Variants in KRT27 observed in about 807,000 individuals in gnomAD.
KRT27 encodes keratin 27, also known as keratin, type I cytoskeletal 27.
KRT27 carries 30 observed loss-of-function variants against 45.3 expected under a neutral mutation model. The observed-to-expected ratio is 0.66, with a 90% CI of 0.50 to 0.90. The LOEUF (loss-of-function observed/expected upper bound fraction) is 0.90, where lower values mean the gene tolerates loss of function less well. KRT27 is among the 40% of genes least tolerant of loss of function. The pLI is 0.00. For synonymous variants in KRT27, 204 were observed against 223.9 expected (o/e 0.91, Z 0.79); for missense variants, 610 against 564.3 (o/e 1.08, Z -0.82).
In KRT27 at chr17:40,777,612, C is replaced by A; in HGVS notation, c.1093G>T (p.Glu365Ter). The A allele has an allele frequency of 6.2e-7, 1 of 1,614,108 alleles. No homozygotes were observed. The highest frequency in any genetic ancestry group is 8.5e-7 in the Non-Finnish European group (1 of 1,179,992). Residue 365 changes from glutamate (E) to a stop codon, truncating the protein, a stop_gained, in exon 6 of 8, where the codon GAG becomes TAG. Coordinates refer to ENST00000301656, the MANE Select transcript of KRT27 (RefSeq NM_181537.4). LOFTEE classifies it high-confidence loss of function. ...TGCTCATACTCGAGCTTCTGGCCCTCGGTCTCGGTTCTGACCTGGTGCAGC... is the reference window on the plus strand; with the variant it reads ...TGCTCATACTCGAGCTTCTGGCCCTAGGTCTCGGTTCTGACCTGGTGCAGC... ...EQLHQVRTET[E>*]GQKLEYEQLL...
At position 40,782,351 on chromosome 17, in the gene KRT27, G is replaced by T. The variant is rs1381346911; in HGVS notation, c.143C>A (p.Ala48Asp). 1 of 1,614,074 alleles carries T rather than the reference G, an allele frequency of 6.2e-7. No homozygotes were observed. The highest frequency in any genetic ancestry group is 1.1e-5 in the South Asian group (1 of 91,076). ...VPGIGSGFSC[A>D]FGGSSSAGGY... ...TCCTGCAGATGAGCTGCCCCCAAAA[G>T]CACAAGAGAAGCCACTTCCAATGCC... is the stretch of plus-strand genomic sequence containing the variant. Residue 48 changes from alanine to aspartate, a missense_variant, in exon 1 of 8, where the codon GCT becomes GAT. By Grantham distance (126) the Ala-to-Asp change is moderately radical. Transcript: ENST00000301656.
chr17:40,777,459 A>G, intron 6 of KRT27, 56 bp downstream of exon 6: 1 of 1,595,324 alleles, frequency 6.3e-7, no homozygotes, highest in African/African-American at 1.3e-5. Context: ...CTTGATTTCA[A>G]ATCATCTTTA....
intron 5 of KRT27, 179 bp from the exon 6 acceptor site, chr17:40,777,911 T>A (rs1281686627): frequency 1.5e-6 from 1 of 677,172 alleles, no homozygotes; most frequent in Admixed American, 3.0e-5. Flanking sequence ...ACTACTTTTC[T>A]ATTTGAGAAT....
Position 40,781,183 on chromosome 17 carries a change from C to T in KRT27, c.527+5G>A. ...TTTTTCCCATTTATCTTCAGCTCTA[C>T]TTACTTTAGTCTGAAGTCATCAGCT... On this transcript the variant is annotated splice_donor_5th_base_variant and intron_variant, in intron 2 of 7. Transcript: ENST00000301656. 6.3e-7 allele frequency: 1 copy of T among 1,593,690 alleles called. No individual in the cohort carries two copies. The highest frequency in any genetic ancestry group is 2.2e-5 in the East Asian group (1 of 44,548).
chr17:40,779,462 C>T (rs1282916117), intron 5 of KRT27, 40 bp downstream of exon 5: 2 of 1,560,174 alleles, frequency 1.3e-6, no homozygotes, highest in Admixed American at 4.1e-5. Flanking sequence ...ATTTTTTTCT[C>T]AATTTCTAAA....
chr17:40,777,272 G>C lies in KRT27; in HGVS notation c.1221C>G (p.Gly407=). The change falls in exon 7 of 8, where the codon GGC becomes GGG. Residue 407 remains glycine (G), a synonymous_variant. Coordinates refer to ENST00000301656, the MANE Select transcript of KRT27 (RefSeq NM_181537.4). ...GSCSKSKGYG[G]PGNQTKDSSK... is the part of the protein sequence containing the mutation. Reference sequence around the variant, plus strand: ...GTTTACCTTTTGTTTGATTTCCTGGGCCTCCATAGCCTTTTGATTTAGAAC... The same window carrying C: ...GTTTACCTTTTGTTTGATTTCCTGGCCCTCCATAGCCTTTTGATTTAGAAC... 1.2e-6 allele frequency: 2 copies of C among 1,613,760 alleles called. No homozygotes were observed. The highest frequency in any genetic ancestry group is 1.7e-6 in the Non-Finnish European group (2 of 1,179,934).
Position 40,782,212 on chromosome 17 carries a change from G to A in KRT27, c.282C>T (p.Arg94=), listed in dbSNP as rs1474649483. Residue 94 remains arginine (R), a synonymous_variant, in exon 1 of 8, where the codon CGC becomes CGT. Transcript: ENST00000301656. ...EKVTMQNLND[R]LASYLENVRA... ...GAACATTCTCCAGGTAGGAGGCCAA[G>A]CGGTCGTTGAGGTTCTGCATGGTCA... 6.2e-7 allele frequency: 1 copy of A among 1,614,222 alleles called. No individual in the cohort carries two copies. Among genetic ancestry groups the A allele is most frequent in the Non-Finnish European group, 8.5e-7 (1 of 1,180,044 alleles).
In KRT27 at chr17:40,781,981, A is replaced by G. The variant is rs942615085; in HGVS notation, c.444+69T>C. On this transcript the variant is annotated intron_variant, in intron 1 of 7. Transcript: ENST00000301656. Reference sequence around the variant, plus strand: ...AAGCCCTGTTATTGTGATAGCTTATACATTTGTGCATCTGTGAGTGGCTAA... The same window carrying G: ...AAGCCCTGTTATTGTGATAGCTTATGCATTTGTGCATCTGTGAGTGGCTAA... The G allele has an allele frequency of 3.7e-6, 5 of 1,334,802 alleles. No individual in the cohort carries two copies. In the African/African-American group the frequency reaches 5.8e-5, roughly 15 times the overall value. The allele number at this position is 1,334,802 out of a possible 1,614,324, so 82.7% of individuals were successfully genotyped here.
At chr17:40,779,982 G>A (rs1380990399) in intron 3 of KRT27, 121 bp from the exon 4 acceptor site, 14 of 1,190,476 alleles carry the variant, frequency 1.2e-5, no homozygotes, top group Admixed American at 5.6e-5. Context: ...ACTCACTGCA[G>A]CCTCGAAATC....
chr17:40,780,949 A>T (rs1482890469), intron 2 of KRT27, among the ~76,000 whole-genome samples: 1 of 152,232 alleles, frequency 6.6e-6, no homozygotes, highest in Non-Finnish European at 1.5e-5. Context: ...AAGCAAGAGA[A>T]TGGGAATAGC....
chr17:40,781,392 C>T (rs2038310273), intron 1 of KRT27, 122 bp from the exon 2 acceptor site: 1 of 612,472 alleles, frequency 1.6e-6, no homozygotes. Context: ...AATAATCAGA[C>T]CATTCTTTTG....
chr17:40,780,659 G>A (rs1472293069), intron 2 of KRT27, among the ~76,000 whole-genome samples: 2 of 151,872 alleles, frequency 1.3e-5, no homozygotes, highest in Admixed American at 6.6e-5. Flanking sequence ...AGGAGATCGA[G>A]ATCACGGTGA....
intron 1 of KRT27, among the ~76,000 whole-genome samples, chr17:40,781,583 C>T (rs1213690245): frequency 2.0e-5 from 3 of 152,202 alleles, no homozygotes; most frequent in South Asian, 2.1e-4. Context: ...GCATGTGCCA[C>T]CACGCTCGGC....
At position 40,777,003 on chromosome 17, in the gene KRT27, G is replaced by A. The variant is rs2038271215; in HGVS notation, c.1376C>T (p.Ser459Phe). 4.4e-6 allele frequency: 7 copies of A among 1,607,522 alleles called. No homozygotes were observed. Among genetic ancestry groups the A allele is most frequent in the Non-Finnish European group, 6.0e-6 (7 of 1,175,068 alleles). Residue 459 changes from serine (S) to phenylalanine (F), a missense_variant, in exon 8 of 8, where the codon TCC (serine) becomes TTC (phenylalanine). Ser to Phe is a radical substitution (Grantham distance 155). Transcript: ENST00000301656. ...VNNKNEQRVS[S>F] ...TTCTGTCTCAGAGGCTGGAGTTCAG[G>A]AAGACACCCTCTGTTCATTCTTGTT...
chr17:40,778,307 C>T (rs538711846), intron 5 of KRT27, among the ~76,000 whole-genome samples: 1 of 152,324 alleles, frequency 6.6e-6, no homozygotes, highest in East Asian at 1.9e-4. Context: ...ACACTCACTG[C>T]AATTTTACAT....
At position 40,779,846 on chromosome 17, in the gene KRT27, GA is replaced by G; in HGVS notation, c.699del (p.Gln234SerfsTer8). On this transcript the variant is annotated frameshift_variant, in exon 4 of 8. Transcript: ENST00000301656. LOFTEE classifies it high-confidence loss of function. ...TTCACGTTGCCTCCAGCCGCGCACT[GA>G]AGAGCTTTCATTTCCTGAAAGATAT... The part of the protein sequence containing the change: ...KKNHEEEMKA[L>X]QCAAGGNVNV... The G allele has an allele frequency of 6.2e-7, 1 of 1,604,752 alleles. No individual in the cohort carries two copies. Among genetic ancestry groups the G allele is most frequent in the East Asian group, 2.2e-5 (1 of 44,848 alleles).
At position 40,777,111 on chromosome 17, in the gene KRT27, GT is replaced by G; in HGVS notation, c.1267del (p.Thr423GlnfsTer6). On this transcript the variant is annotated frameshift_variant, in exon 8 of 8. Coordinates refer to ENST00000301656, the MANE Select transcript of KRT27 (RefSeq NM_181537.4). LOFTEE classifies it high-confidence loss of function. ...KDSSKTTIVK[T>X]VVEEIDPRGK... The stretch of plus-strand genomic sequence containing the variant: ...ACGAGGATCTATCTCTTCAACAACT[GT>G]TTTGACAATGGTGGTTTTAGATGAA... The G allele has an allele frequency of 6.2e-7, 1 of 1,613,926 alleles. No homozygotes were observed. Among genetic ancestry groups the G allele is most frequent in the Non-Finnish European group, 8.5e-7 (1 of 1,179,846 alleles).
intron 5 of KRT27, 74 bp from the exon 6 acceptor site, chr17:40,777,806 A>G: frequency 7.3e-7 from 1 of 1,375,614 alleles, no homozygotes; most frequent in Non-Finnish European, 1.0e-6. Context: ...TTTAAGAGAT[A>G]ATTAAGAGAA....
Position 40,779,630 on chromosome 17 carries a change from G to A in KRT27, c.847-3C>T, listed in dbSNP as rs1396484704. 1 of 1,614,126 alleles carries A rather than the reference G, an allele frequency of 6.2e-7. No individual in the cohort carries two copies. ...ATCTGCTGCTGCAGCGAGGCGCTCT[G>A]GAACGGCAGGGGCCGCGTTAGGGCG... On this transcript the variant is annotated splice_region_variant and splice_polypyrimidine_tract_variant and intron_variant, in intron 4 of 7. Transcript: ENST00000301656.
Sources: gnomAD v4.1 joint callset for allele counts (sites outside exome capture counted in the v4.1 genomes callset) on GRCh38, gnomAD v4.1.1 for gene constraint, MANE v1.5 for transcripts, NCBI Gene and HGNC (gene_info 2026-07-23, HGNC 2026-07-21) for gene names.